The following NAE1 variants were observed in gnomAD, a reference collection of about 807,000 sequenced individuals.
NAE1 encodes NEDD8 activating enzyme E1 subunit 1.
NAE1 carries 59 observed loss-of-function variants against 88.0 expected under a neutral mutation model. That is an observed-to-expected ratio of 0.67 (90% CI 0.54 to 0.83). The LOEUF (loss-of-function observed/expected upper bound fraction) is 0.83, where lower values mean the gene tolerates loss of function less well. NAE1 is among the 40% of genes least tolerant of loss of function. NAE1 has a pLI of 0.00. For synonymous variants in NAE1, 186 were observed against 208.9 expected, an observed-to-expected ratio of 0.89 and a Z score of 0.95; for missense variants, 554 against 632.8, an observed-to-expected ratio of 0.88 and a Z score of 1.34.
chr16:66,817,182 T>G, intron 9 of NAE1, 154 bp from the exon 10 acceptor site: 1 of 1,086,756 alleles, frequency 9.2e-7, no homozygotes, highest in Non-Finnish European at 1.3e-6. Context: ...ACAGACACTG[T>G]GACCATTTAT....
intron 17 of NAE1, chr16:66,806,249 C>T (rs1395463216): frequency 5.0e-6 from 2 of 397,524 alleles, no homozygotes; most frequent in East Asian, 1.0e-4. Context: ...TTATTAATTG[C>T]ATCATATTCA....
chr16:66,825,660 G>A (rs1177095039), intron 3 of NAE1, among the ~76,000 whole-genome samples: 3 of 151,836 alleles, frequency 2.0e-5, no homozygotes, highest in Non-Finnish European at 4.4e-5. Context: ...GACCACTCTC[G>A]GTGTATTGAA....
chr16:66,830,795 G>C (rs966982499), intron 1 of NAE1, 52 bp downstream of exon 1: 11 of 1,493,614 alleles, frequency 7.4e-6, no homozygotes, highest in Non-Finnish European at 9.8e-6. Context: ...GGCCCGGCCC[G>C]AATGCTGGAA....
In NAE1 at chr16:66,823,278, G is replaced by A; in HGVS notation, c.350C>T (p.Pro117Leu). The A allele has an allele frequency of 6.2e-7, 1 of 1,602,826 alleles. No homozygotes were observed. The highest frequency in any genetic ancestry group is 1.1e-5 in the South Asian group (1 of 87,770). ...ESPENLLDND[P>L]SFFCRFTVVV... ...AACAGTAAACCTACAGAAAAATGAG[G>A]GATCATTGTCTAGAAGGTTTTCTGG... The change falls in exon 6 of 20, where the codon CCC becomes CTC. Residue 117 changes from proline to leucine, a missense_variant. Pro to Leu is a moderately conservative substitution (Grantham distance 98, BLOSUM62 -3). Transcript: ENST00000290810.
intron 13 of NAE1, among the ~76,000 whole-genome samples, chr16:66,811,828 G>GTT (rs1959813552): frequency 6.6e-6 from 1 of 152,282 alleles, no homozygotes; most frequent in East Asian, 1.9e-4. Context: ...GTTTTAAGTA[G>GTT]TTGAACTCTT....
chr16:66,823,646 C>A, intron 4 of NAE1, 46 bp from the exon 5 acceptor site: 2 of 1,501,978 alleles, frequency 1.3e-6, no homozygotes, highest in South Asian at 2.5e-5. Context: ...AAAACTTGGT[C>A]ACAATATAAT....
chr16:66,824,843 C>A lies in NAE1; in HGVS notation c.249+12G>T. ...AGATGCTCACATCCAACTATATTCT[C>A]TAATTGTTTACCTTGCCGATACTGC... is the stretch of plus-strand genomic sequence containing the variant. On this transcript the variant is annotated intron_variant, in intron 4 of 19. Coordinates refer to ENST00000290810, the MANE Select transcript of NAE1 (RefSeq NM_003905.4). 1 of 1,606,404 alleles carries A rather than the reference C, an allele frequency of 6.2e-7. No individual in the cohort carries two copies. Among genetic ancestry groups the A allele is most frequent in the South Asian group, 1.1e-5 (1 of 90,198 alleles).
intron 4 of NAE1, 79 bp from the exon 5 acceptor site, chr16:66,823,679 A>AAC (rs1960355187): frequency 9.0e-7 from 1 of 1,108,210 alleles, no homozygotes; most frequent in Admixed American, 2.6e-5. Flanking sequence ...GGAACAGGCA[A>AAC]ACATACTGTA....
intron 13 of NAE1, among the ~76,000 whole-genome samples, chr16:66,811,395 T>C (rs1425270165): frequency 6.6e-6 from 1 of 152,142 alleles, no homozygotes; most frequent in Non-Finnish European, 1.5e-5. Context: ...TGGGTTCAAG[T>C]GATTTAGAAA....
At chr16:66,812,729 C>A (rs1209273270) in intron 13 of NAE1, among the ~76,000 whole-genome samples, 3 of 151,460 alleles carry the variant, frequency 2.0e-5, no homozygotes, top group Non-Finnish European at 4.4e-5. Flanking sequence ...CCATGTTGGC[C>A]AGGATGGTCT....
At chr16:66,817,058 G>T (rs752450281) in intron 9 of NAE1, 30 bp from the exon 10 acceptor site, 1 of 1,571,644 alleles carries the variant, frequency 6.4e-7, no homozygotes, top group South Asian at 1.2e-5. Context: ...TAAAAATCTA[G>T]TTATTAAAAT....
chr16:66,830,818 C>G (rs1206023043), intron 1 of NAE1, 29 bp downstream of exon 1: 1 of 1,510,082 alleles, frequency 6.6e-7, no homozygotes, highest in African/African-American at 1.4e-5. Flanking sequence ...CCCGCCGGCC[C>G]GCCCTCGGCT....
At chr16:66,816,444 G>A in intron 11 of NAE1, 137 bp downstream of exon 11, 1 of 681,986 alleles carries the variant, frequency 1.5e-6, no homozygotes, top group Middle Eastern at 4.2e-4. Context: ...GGATGAGCCA[G>A]CATGCCCGGC....
At chr16:66,814,787 C>T (rs1959975343) in intron 11 of NAE1, among the ~76,000 whole-genome samples, 1 of 152,160 alleles carries the variant, frequency 6.6e-6, no homozygotes, top group Non-Finnish European at 1.5e-5. Context: ...CAATCCACTT[C>T]CCTGACTGAA....
In NAE1 at chr16:66,828,150, A is replaced by G. The variant is rs978139569; in HGVS notation, c.54-1370T>C. Reference sequence around the variant, plus strand: ...ATGGCACGTAGAAGACACCTGACATATATGGTTGATGGATGCTTAGATAGT... The same window carrying G: ...ATGGCACGTAGAAGACACCTGACATGTATGGTTGATGGATGCTTAGATAGT... On this transcript the variant is annotated intron_variant, in intron 1 of 19. Transcript: ENST00000290810. 6 of 1,092,496 alleles carry G rather than the reference A, an allele frequency of 5.5e-6. No homozygotes were observed. The African/African-American group carries it at 7.8e-5, about 14-fold the overall frequency. The allele number at this position is 1,092,496 out of a possible 1,614,324, so 67.7% of individuals were successfully genotyped here.
chr16:66,809,864 C>A (rs1469998734), intron 15 of NAE1, among the ~76,000 whole-genome samples: 2 of 152,060 alleles, frequency 1.3e-5, no homozygotes, highest in Non-Finnish European at 2.9e-5. Flanking sequence ...TATTTTGAAA[C>A]TGACTCTTAA....
At chr16:66,828,526 GC>G (rs1249367633) in intron 1 of NAE1, among the ~76,000 whole-genome samples, 4 of 151,240 alleles carry the variant, frequency 2.6e-5, no homozygotes, top group Admixed American at 6.6e-5. Context: ...TGCATCTCAA[GC>G]AGGGTGAGAT....
chr16:66,830,916 C>A lies in NAE1; in HGVS notation c.-17G>T. ...CTGCGCCATGGCCGCGCCTGCCGCG[C>A]GGAAAACAGCCGAGCCCCTGCGGAG... On this transcript the variant is annotated 5_prime_UTR_variant, in exon 1 of 20. Transcript: ENST00000290810. The A allele has an allele frequency of 6.5e-7, 1 of 1,529,872 alleles. No homozygotes were observed. Among genetic ancestry groups the A allele is most frequent in the Non-Finnish European group, 8.7e-7 (1 of 1,147,264 alleles). The allele number at this position is 1,529,872 out of a possible 1,614,324, so 94.8% of individuals were successfully genotyped here. A position where few individuals can be genotyped will look rare whatever the true frequency, so the allele number is the denominator to read the frequency against.
chr16:66,824,907 A>T, intron 3 of NAE1, 22 bp from the exon 4 acceptor site: 3 of 1,583,658 alleles, frequency 1.9e-6, no homozygotes, highest in Non-Finnish European at 2.6e-6. Flanking sequence ...AGAATAAAGG[A>T]AAAAAAAGTA....
Sources: gnomAD v4.1 joint callset for allele counts (sites outside exome capture counted in the v4.1 genomes callset) on GRCh38, gnomAD v4.1.1 for gene constraint, MANE v1.5 for transcripts, NCBI Gene and HGNC (gene_info 2026-07-23, HGNC 2026-07-21) for gene names.